KIAA0825: variants seen among roughly 807,000 people sequenced by gnomAD.
KIAA0825 encodes KIAA0825, also known as uncharacterized protein KIAA0825.
In KIAA0825, 119 loss-of-function variants were observed where a neutral mutation model predicts 147.6. The ratio of observed to expected loss-of-function variants is 0.81; its 90% CI spans 0.69 to 0.94. The LOEUF is 0.94. Among genes scored for constraint, KIAA0825 ranks in the 40% least tolerant of loss-of-function variants. KIAA0825 has a pLI of 0.00. For missense variants in KIAA0825, 1,381 were observed against 1,472.7 expected (o/e 0.94, Z 1.02); for synonymous variants, 470 against 518.1 (o/e 0.91, Z 1.26).
intron 20 of KIAA0825, among the ~76,000 whole-genome samples, chr5:94,340,873 A>G (rs1311008970): frequency 6.6e-6 from 1 of 152,198 alleles, no homozygotes; most frequent in Non-Finnish European, 1.5e-5. Context: ...TTCACCCAAA[A>G]AATGCATAAC....
chr5:94,235,941 A>G (rs756796360), intron 20 of KIAA0825, among the ~76,000 whole-genome samples: 2 of 152,122 alleles, frequency 1.3e-5, no homozygotes, highest in African/African-American at 2.4e-5. Context: ...AAAAAAGATT[A>G]TTTTCAAACT....
chr5:94,171,304 C>T (rs996709309), intron 20 of KIAA0825, among the ~76,000 whole-genome samples: 2 of 152,168 alleles, frequency 1.3e-5, no homozygotes, highest in Non-Finnish European at 2.9e-5. Flanking sequence ...TAAGACGTGA[C>T]TTGCTCCTTC....
intron 20 of KIAA0825, among the ~76,000 whole-genome samples, chr5:94,351,332 A>AAAC (rs138236479): frequency 0.027 from 4,126 of 152,140 alleles, 99 homozygotes; most frequent in South Asian, 0.085. Context: ...ATAGCTGAAA[A>AAAC]AACAACAACA....
rs1257545730 is a variant in KIAA0825 at position 94,598,156 on chromosome 5, A to G, written c.-152-15573T>C. Reference sequence around the variant, plus strand: ...TTTATAAACTTAAAATTATTTTTTTACTTTTGTGTAATAACAGTTAGCATA... The same window carrying G: ...TTTATAAACTTAAAATTATTTTTTTGCTTTTGTGTAATAACAGTTAGCATA... On this transcript the variant is annotated intron_variant, in intron 1 of 20. Coordinates refer to ENST00000682413, the MANE Select transcript of KIAA0825 (RefSeq NM_001145678.3). Among the ~76,000 whole-genome samples the G allele has an allele frequency of 2.0e-5, 3 of 152,108 alleles. No homozygotes were observed. In the East Asian group the frequency reaches 5.8e-4, roughly 29 times the overall value.
intron 4 of KIAA0825, among the ~76,000 whole-genome samples, chr5:94,521,551 A>G (rs1174163018): frequency 6.6e-6 from 1 of 151,748 alleles, no homozygotes; most frequent in East Asian, 1.9e-4. Context: ...TTGAAAATTA[A>G]TCTGAGAATA....
At chr5:94,314,133 C>T (rs1779427788) in intron 20 of KIAA0825, among the ~76,000 whole-genome samples, 2 of 151,530 alleles carry the variant, frequency 1.3e-5, no homozygotes. Flanking sequence ...ATCTATTAAA[C>T]ACACATACAC....
intron 1 of KIAA0825, among the ~76,000 whole-genome samples, chr5:94,606,607 C>T (rs1191830805): frequency 6.6e-6 from 1 of 152,080 alleles, no homozygotes; most frequent in African/African-American, 2.4e-5. Context: ...AATAAGGCCG[C>T]ATATCTACAA....
intron 20 of KIAA0825, among the ~76,000 whole-genome samples, chr5:94,247,778 C>T (rs972937786): frequency 2.6e-5 from 4 of 152,020 alleles, no homozygotes; most frequent in Non-Finnish European, 5.9e-5. Flanking sequence ...ACTTGGAGGT[C>T]CTTTTTAGCA....
intron 5 of KIAA0825, among the ~76,000 whole-genome samples, chr5:94,497,021 A>G (rs1238564471): frequency 1.3e-5 from 2 of 152,172 alleles, no homozygotes; most frequent in African/African-American, 4.8e-5. Context: ...TGGGATTAAT[A>G]GGATTTGCCA....
rs115121384 is a variant in KIAA0825, at chr5:94,446,591, G to A, written c.2357+6368C>T. Among the ~76,000 whole-genome samples, 241 of 152,272 alleles carry A rather than the reference G, an allele frequency of 1.6e-3. 2 individuals are homozygous for A. Among genetic ancestry groups the A allele is most frequent in the African/African-American group, 5.4e-3 (225 of 41,556 alleles). ...AAGGAACATGGCATAGAAAGAAAAT[G>A]TAAATGGGTTAATGTGTGGAAAGCA... On this transcript the variant is annotated intron_variant, in intron 13 of 20. Coordinates refer to ENST00000682413, the MANE Select transcript of KIAA0825 (RefSeq NM_001145678.3).
chr5:94,286,919 C>T (rs1443817330), intron 20 of KIAA0825, among the ~76,000 whole-genome samples: 1 of 152,058 alleles, frequency 6.6e-6, no homozygotes, highest in Non-Finnish European at 1.5e-5. Context: ...CTCCTATTGC[C>T]CATAGGCTAG....
intron 20 of KIAA0825, among the ~76,000 whole-genome samples, chr5:94,239,136 A>T (rs1775218184): frequency 6.6e-6 from 1 of 152,218 alleles, no homozygotes; most frequent in South Asian, 2.1e-4. Context: ...AAATGAATGG[A>T]ATGCCTGTCT....
chr5:94,388,241 G>C (rs550970257), intron 18 of KIAA0825, among the ~76,000 whole-genome samples: 52 of 152,312 alleles, frequency 3.4e-4, no homozygotes, highest in African/African-American at 1.2e-3. Flanking sequence ...TATGACGATA[G>C]GTGGAGCTCA....
intron 20 of KIAA0825, among the ~76,000 whole-genome samples, chr5:94,373,293 C>A (rs949979349): frequency 6.6e-6 from 1 of 152,270 alleles, no homozygotes; most frequent in African/African-American, 2.4e-5. Context: ...CTTATAGCAG[C>A]ACCCCCTCCT....
In KIAA0825 at chr5:94,386,250, T is replaced by C. The variant is rs1749125352; in HGVS notation, c.3611A>G (p.Asp1204Gly). The C allele has an allele frequency of 1.9e-6, 3 of 1,545,908 alleles. No homozygotes were observed. The African/African-American group carries it at 4.1e-5, about 21-fold the overall frequency. The stretch of plus-strand genomic sequence containing the variant: ...TACCATTTAATTTCCACATACCTGA[T>C]CTAGCATGTTTTCACTAAACGCCTT... ...VYKAFSENML[D>G]QVSITKWNWN... The change falls in exon 19 of 21, where the codon GAT (aspartate) becomes GGT (glycine). Residue 1204 changes from aspartate (D) to glycine (G), a missense_variant. Physicochemically the swap from Asp to Gly is moderately conservative, Grantham distance 94 (BLOSUM62 -1). Coordinates refer to ENST00000682413, the MANE Select transcript of KIAA0825 (RefSeq NM_001145678.3).
intron 20 of KIAA0825, among the ~76,000 whole-genome samples, chr5:94,284,890 G>A (rs139793587): frequency 4.6e-5 from 7 of 152,026 alleles, no homozygotes; most frequent in African/African-American, 1.2e-4. Flanking sequence ...TACATGTATC[G>A]TGTACTAATT....
At chr5:94,450,079 C>CA (rs1271779662) in intron 13 of KIAA0825, among the ~76,000 whole-genome samples, 3 of 150,768 alleles carry the variant, frequency 2.0e-5, no homozygotes, top group Admixed American at 6.6e-5. Flanking sequence ...AACTCCATCT[C>CA]AAAAAAAGAG....
rs80240482 is a variant in KIAA0825, at chr5:94,252,975, T to C, written c.3711-98851A>G. On this transcript the variant is annotated intron_variant, in intron 20 of 20. Transcript: ENST00000682413. ...AAACCTACATGGGAAATCACACTTATTAAAAATGCTGTAAAAATCAATTGT... is the reference window on the plus strand; with the variant it reads ...AAACCTACATGGGAAATCACACTTACTAAAAATGCTGTAAAAATCAATTGT... Among the ~76,000 whole-genome samples the C allele has an allele frequency of 5.9e-5, 9 of 152,234 alleles. No individual in the cohort carries two copies. The East Asian group carries it at 1.4e-3, about 23-fold the overall frequency.
rs565985123 is a variant in KIAA0825 at position 94,452,711 on chromosome 5, T to A, written c.2357+248A>T. Among the ~76,000 whole-genome samples, 6 of 152,322 alleles carry A rather than the reference T, an allele frequency of 3.9e-5. No homozygotes were observed. The South Asian group carries it at 1.2e-3, about 32-fold the overall frequency. On this transcript the variant is annotated intron_variant, in intron 13 of 20. Coordinates refer to ENST00000682413, the MANE Select transcript of KIAA0825 (RefSeq NM_001145678.3). ...AGACAAGTTTTAAAATAAAACTAAA[T>A]TCCAAAAATTTACAGTTTTCCATTA...
Sources: allele counts gnomAD v4.1 joint callset (sites outside exome capture counted in the v4.1 genomes callset), GRCh38; gene constraint gnomAD v4.1.1; transcripts MANE v1.5; gene names NCBI Gene and HGNC (gene_info 2026-07-23, HGNC 2026-07-21).